SCN2A: variants seen among roughly 807,000 people sequenced by gnomAD.
The protein encoded by SCN2A is sodium voltage-gated channel alpha subunit 2.
A neutral mutation model predicts 188.7 loss-of-function variants in SCN2A; 20 were observed. The ratio of observed to expected loss-of-function variants is 0.11; its 90% CI spans 0.07 to 0.15. The LOEUF is 0.15. Among genes scored for constraint, SCN2A ranks in the 10% least tolerant of loss-of-function variants. The probability of loss-of-function intolerance (pLI) is 1.00; values close to 1 mark genes in which losing one functional copy is unlikely to be tolerated. For missense variants in SCN2A, 1,278 were observed against 2,445.0 expected, an observed-to-expected ratio of 0.52 and a Z score of 10.07; for synonymous variants, 804 against 833.1, an observed-to-expected ratio of 0.97 and a Z score of 0.60.
At chr2:165,312,164 C>A in intron 8 of SCN2A, 76 bp downstream of exon 8, 1 of 1,024,224 alleles carries the variant, frequency 9.8e-7, no homozygotes, top group Non-Finnish European at 1.5e-6. Context: ...CCCACTCATC[C>A]AGTCCCACTC....
intron 1 of SCN2A, among the ~76,000 whole-genome samples, chr2:165,262,733 T>C (rs1223922588): frequency 1.3e-5 from 2 of 152,182 alleles, no homozygotes; most frequent in Admixed American, 1.3e-4. Flanking sequence ...ATCTTTTTCG[T>C]ATAATGACTT....
At chr2:165,373,975 T>A (rs940941626) in intron 21 of SCN2A, among the ~76,000 whole-genome samples, 2 of 152,198 alleles carry the variant, frequency 1.3e-5, no homozygotes, top group South Asian at 2.1e-4. Flanking sequence ...TTTAAAAAAA[T>A]GATACTTTTT....
chr2:165,265,002 G>A (rs746218565), intron 1 of SCN2A, among the ~76,000 whole-genome samples: 1 of 151,982 alleles, frequency 6.6e-6, no homozygotes, highest in Non-Finnish European at 1.5e-5. Context: ...GGGATTGCTG[G>A]ATCAAATGGC....
At chr2:165,357,202 A>G (rs963811586) in intron 17 of SCN2A, among the ~76,000 whole-genome samples, 2 of 152,196 alleles carry the variant, frequency 1.3e-5, no homozygotes, top group Admixed American at 6.5e-5. Flanking sequence ...CTCTACACTA[A>G]AAAACTAGAG....
chr2:165,315,433 G>A (rs763312281), intron 10 of SCN2A, 38 bp from the exon 11 acceptor site: 1 of 1,612,370 alleles, frequency 6.2e-7, no homozygotes, highest in South Asian at 1.1e-5. Context: ...TACTTTTTAA[G>A]TTTATATGCA....
chr2:165,360,819 C>T (rs1700424830), intron 17 of SCN2A, among the ~76,000 whole-genome samples: 1 of 151,898 alleles, frequency 6.6e-6, no homozygotes, highest in Admixed American at 6.6e-5. Context: ...CTGCTTCTAG[C>T]CAGTTCATAT....
chr2:165,368,572 C>T (rs1050637234), intron 19 of SCN2A, among the ~76,000 whole-genome samples: 1 of 152,118 alleles, frequency 6.6e-6, no homozygotes, highest in Non-Finnish European at 1.5e-5. Flanking sequence ...TCGCTATTGC[C>T]AACCACAGTG....
At chr2:165,358,892 C>T (rs758167697) in intron 17 of SCN2A, among the ~76,000 whole-genome samples, 1 of 151,998 alleles carries the variant, frequency 6.6e-6, no homozygotes, top group African/African-American at 2.4e-5. Context: ...ATCCATTAGT[C>T]GACCTTCATT....
intron 21 of SCN2A, among the ~76,000 whole-genome samples, chr2:165,373,668 G>A (rs187203918): frequency 8.5e-5 from 13 of 152,116 alleles, no homozygotes; most frequent in African/African-American, 2.2e-4. Flanking sequence ...AATCCTACTC[G>A]CTGTAGTTTA....
chr2:165,246,601 G>A (rs1693857904), intron 1 of SCN2A, among the ~76,000 whole-genome samples: 1 of 152,024 alleles, frequency 6.6e-6, no homozygotes, highest in Non-Finnish European at 1.5e-5. Flanking sequence ...AAATTCCACA[G>A]TTATTCATAA....
At chr2:165,272,260 A>C (rs1326571175) in intron 1 of SCN2A, 1 of 152,138 alleles carries the variant, frequency 6.6e-6, no homozygotes, top group African/African-American at 2.4e-5. Context: ...ATACTAACAC[A>C]GATAAAAATG....
intron 1 of SCN2A, among the ~76,000 whole-genome samples, chr2:165,245,175 A>G (rs1308793366): frequency 6.6e-6 from 1 of 152,138 alleles, no homozygotes; most frequent in Non-Finnish European, 1.5e-5. Context: ...TTGGCTCTGT[A>G]TCCTCACCCA....
intron 1 of SCN2A, among the ~76,000 whole-genome samples, chr2:165,282,915 G>C (rs1440168966): frequency 6.6e-6 from 1 of 152,148 alleles, no homozygotes; most frequent in African/African-American, 2.4e-5. Context: ...ATGAGAGAGA[G>C]AGGAAGGAAT....
At chr2:165,293,423 A>C (rs563081315) in intron 1 of SCN2A, among the ~76,000 whole-genome samples, 1 of 152,314 alleles carries the variant, frequency 6.6e-6, no homozygotes, top group Admixed American at 6.5e-5. Context: ...CCTATTACAC[A>C]ACTAGGTTAC....
chr2:165,290,314 CT>C (rs1460992053), intron 1 of SCN2A, among the ~76,000 whole-genome samples: 2 of 152,028 alleles, frequency 1.3e-5, no homozygotes, highest in Non-Finnish European at 2.9e-5. Flanking sequence ...CTTATTTCTC[CT>C]GTCTAGCTGT....
At chr2:165,322,929 A>C (rs922971018) in intron 11 of SCN2A, among the ~76,000 whole-genome samples, 44 of 152,174 alleles carry the variant, frequency 2.9e-4, no homozygotes, top group Admixed American at 2.8e-3. Flanking sequence ...CAGAAGATGG[A>C]AAATGGAGGA....
chr2:165,311,352 GA>G (rs1219357289), intron 7 of SCN2A, among the ~76,000 whole-genome samples: 1 of 152,012 alleles, frequency 6.6e-6, no homozygotes, highest in African/African-American at 2.4e-5. Context: ...GCAACTTACT[GA>G]AGTTATATGT....
At chr2:165,294,633 A>C (rs1371984433) in intron 1 of SCN2A, among the ~76,000 whole-genome samples, 1 of 152,156 alleles carries the variant, frequency 6.6e-6, no homozygotes, top group African/African-American at 2.4e-5. Flanking sequence ...AAATAGATTG[A>C]TTTTTTGAAA....
At chr2:165,287,966 T>G (rs1194791386) in intron 1 of SCN2A, among the ~76,000 whole-genome samples, 1 of 152,250 alleles carries the variant, frequency 6.6e-6, no homozygotes, top group African/African-American at 2.4e-5. Context: ...ATGTTCATTT[T>G]CTTTTACAGA....
Sources: gnomAD v4.1 joint callset for allele counts (sites outside exome capture counted in the v4.1 genomes callset) on GRCh38, gnomAD v4.1.1 for gene constraint, MANE v1.5 for transcripts, NCBI Gene and HGNC (gene_info 2026-07-23, HGNC 2026-07-21) for gene names.